FNBP1: variants seen among roughly 807,000 people sequenced by gnomAD.
FNBP1 encodes formin-binding protein 1.
In FNBP1, 26 loss-of-function variants were observed where a neutral mutation model predicts 90.6. That is an observed-to-expected ratio of 0.29 (90% confidence interval 0.21 to 0.40). The LOEUF is 0.40. Among genes scored for constraint, FNBP1 ranks in the 10% least tolerant of loss-of-function variants. The pLI is 1.00. For missense variants in FNBP1, 635 were observed against 768.0 expected, an observed-to-expected ratio of 0.83 and a Z score of 2.05; for synonymous variants, 260 against 265.2, an observed-to-expected ratio of 0.98 and a Z score of 0.19.
chr9:129,929,587 G>A lies in FNBP1; in HGVS notation c.622C>T (p.His208Tyr). 1 of 1,613,756 alleles carries A rather than the reference G, an allele frequency of 6.2e-7. No individual in the cohort carries two copies. The highest frequency in any genetic ancestry group is 8.5e-7 in the Non-Finnish European group (1 of 1,179,676). Residue 208 changes from histidine (H) to tyrosine (Y), a missense_variant, in exon 7 of 17, where the codon CAC becomes TAC. Physicochemically the swap from His to Tyr is moderately conservative, Grantham distance 83 (BLOSUM62 2). Transcript: ENST00000446176. ...NHEQHEYYHTHIPNIFQKIQE... is the reference protein window; with the variant it reads ...NHEQHEYYHTYIPNIFQKIQE... Reference sequence around the variant, plus strand: ...CTTACCTGGAAGATGTTGGGGATGTGAGTATGGTAATATTCATGCTGCTCA... The same window carrying A: ...CTTACCTGGAAGATGTTGGGGATGTAAGTATGGTAATATTCATGCTGCTCA...
the FNBP1 span, among the ~76,000 whole-genome samples, chr9:130,053,080 C>T: frequency 5.3e-5 from 8 of 152,116 alleles, no homozygotes; most frequent in African/African-American, 1.9e-4. Flanking sequence ...CGTGCCATTG[C>T]ACTCCAGCCT....
At chr9:129,972,471 T>G (rs1252736285) in intron 4 of FNBP1, among the ~76,000 whole-genome samples, 1 of 151,698 alleles carries the variant, frequency 6.6e-6, no homozygotes, top group African/African-American at 2.4e-5. Context: ...CATTTTAAAA[T>G]CACTGAACAA....
intron 2 of FNBP1, among the ~76,000 whole-genome samples, chr9:129,980,553 C>T (rs1326593158): frequency 6.6e-6 from 1 of 151,806 alleles, no homozygotes; most frequent in African/African-American, 2.4e-5. Flanking sequence ...GCATTGAACA[C>T]ATTCAGATTA....
intron 1 of FNBP1, among the ~76,000 whole-genome samples, chr9:130,029,791 C>T (rs1347190773): frequency 2.4e-4 from 37 of 151,908 alleles, no homozygotes; most frequent in Admixed American, 2.4e-3. Flanking sequence ...CAAGACCAGC[C>T]TGGGTGACAT....
chr9:130,018,841 T>C (rs2131856332), intron 1 of FNBP1, among the ~76,000 whole-genome samples: 1 of 152,330 alleles, frequency 6.6e-6, no homozygotes, highest in East Asian at 1.9e-4. Flanking sequence ...CTGTAAATTC[T>C]TGTTCCCTGA....
intron 2 of FNBP1, among the ~76,000 whole-genome samples, chr9:129,983,273 C>T (rs1423967727): frequency 6.6e-6 from 1 of 152,030 alleles, no homozygotes; most frequent in African/African-American, 2.4e-5. Flanking sequence ...CTGAAAAGAC[C>T]ATCGAGTTCT....
intron 1 of FNBP1, among the ~76,000 whole-genome samples, chr9:130,034,389 G>A (rs976179253): frequency 3.3e-5 from 5 of 151,126 alleles, no homozygotes; most frequent in East Asian, 1.9e-4. Context: ...AGGCTGAGGC[G>A]AAAGGCTCAT....
chr9:129,969,680 C>T (rs1319220362), intron 4 of FNBP1, among the ~76,000 whole-genome samples: 2 of 151,778 alleles, frequency 1.3e-5, no homozygotes, highest in African/African-American at 2.4e-5. Context: ...AAGGCCGACG[C>T]GGGAAGATTG....
At chr9:129,918,758 C>T (rs929324765) in intron 10 of FNBP1, among the ~76,000 whole-genome samples, 16 of 151,974 alleles carry the variant, frequency 1.1e-4, no homozygotes, top group Admixed American at 5.9e-4. Context: ...CCCGTGACCA[C>T]GCACTGCAGC....
At chr9:129,982,116 G>A (rs1040449813) in intron 2 of FNBP1, among the ~76,000 whole-genome samples, 6 of 152,224 alleles carry the variant, frequency 3.9e-5, no homozygotes, top group African/African-American at 1.4e-4. Flanking sequence ...TAAAAGCACA[G>A]TACAGGTCTT....
chr9:130,026,373 A>T (rs1258494656), intron 1 of FNBP1, among the ~76,000 whole-genome samples: 2 of 152,098 alleles, frequency 1.3e-5, no homozygotes, highest in East Asian at 3.9e-4. Flanking sequence ...ATGCGCCTAT[A>T]GTCCCAGCTA....
Position 129,900,209 on chromosome 9 carries a change from T to C in FNBP1, c.1551-108A>G. On this transcript the variant is annotated intron_variant, in intron 14 of 16. Coordinates refer to ENST00000446176, the MANE Select transcript of FNBP1 (RefSeq NM_015033.3). The surrounding 1 kb of genome is among the most constrained non-coding windows in gnomAD (Gnocchi z 4.1). ...ACTTGCAACCCCGCCCCTCAGCGAG[T>C]GCTGTAACTGAGGCCATGGTAAATC... The C allele has an allele frequency of 7.9e-7, 1 of 1,273,824 alleles. No homozygotes were observed. Among genetic ancestry groups the C allele is most frequent in the Non-Finnish European group, 1.1e-6 (1 of 945,184 alleles). The allele number at this position is 1,273,824 out of a possible 1,614,324, so 78.9% of individuals were successfully genotyped here.
At chr9:130,053,815 G>A in the FNBP1 span, 1 of 981,240 alleles carries the variant, frequency 1.0e-6, no homozygotes, top group Non-Finnish European at 1.5e-6. Flanking sequence ...CCAGGAAAAC[G>A]ACCACAGGGT....
intron 4 of FNBP1, among the ~76,000 whole-genome samples, chr9:129,967,982 CTTT>C (rs781442852): frequency 1.4e-5 from 2 of 140,230 alleles, no homozygotes; most frequent in Non-Finnish European, 1.6e-5. Flanking sequence ...AGCTGGAAAA[CTTT>C]TTTTTTTTTT....
At chr9:129,919,305 A>C in intron 10 of FNBP1, 1 of 793,580 alleles carries the variant, frequency 1.3e-6, no homozygotes, top group Non-Finnish European at 1.9e-6. Flanking sequence ...ACTTTAACAT[A>C]TGACAAACAA....
chr9:129,905,313 T>TATATATATATA (rs1554766990), intron 12 of FNBP1, among the ~76,000 whole-genome samples: 6 of 145,594 alleles, frequency 4.1e-5, no homozygotes, highest in South Asian at 2.2e-4. Flanking sequence ...TATATATATA[T>TATATATATATA]TTTGTTAATT....
At chr9:129,908,417 C>G (rs2038585648) in intron 12 of FNBP1, among the ~76,000 whole-genome samples, 1 of 149,590 alleles carries the variant, frequency 6.7e-6, no homozygotes, top group African/African-American at 2.5e-5. Context: ...GTTGCCTGGG[C>G]TGGTCTTGAA....
At chr9:130,048,259 T>G in the FNBP1 span, among the ~76,000 whole-genome samples, 2 of 127,864 alleles carry the variant, frequency 1.6e-5, no homozygotes, top group Non-Finnish European at 3.1e-5. Context: ...GAGGTTGTAG[T>G]GAGCCGCGAT....
At chr9:130,011,079 G>A (rs1439739659) in intron 1 of FNBP1, among the ~76,000 whole-genome samples, 1 of 150,706 alleles carries the variant, frequency 6.6e-6, no homozygotes, top group Non-Finnish European at 1.5e-5. Context: ...AGGTGGGCGT[G>A]GTGGCAGGCA....
Sources: allele counts gnomAD v4.1 joint callset (sites outside exome capture counted in the v4.1 genomes callset), GRCh38; gene constraint gnomAD v4.1.1; non-coding constraint Gnocchi (gnomAD v3.1); transcripts MANE v1.5; gene names NCBI Gene and HGNC (gene_info 2026-07-23, HGNC 2026-07-21).